The following TMEM132D variants were observed in gnomAD, a reference collection of about 807,000 sequenced individuals.
TMEM132D encodes transmembrane protein 132D, also known as mature OL transmembrane protein.
In TMEM132D, 21 loss-of-function variants were observed where a neutral mutation model predicts 62.3. The ratio of observed to expected loss-of-function variants is 0.34; its 90% CI spans 0.24 to 0.49. The LOEUF is 0.49. Ranked by LOEUF, TMEM132D falls within the 20% of genes least tolerant of loss-of-function variation. The pLI is 0.99. For synonymous variants in TMEM132D, 621 were observed against 575.6 expected (o/e 1.08, Z -1.13); for missense variants, 1,346 against 1,402.8 (o/e 0.96, Z 0.65).
At chr12:129,441,053 G>C (rs1187109768) in intron 3 of TMEM132D, among the ~76,000 whole-genome samples, 2 of 152,216 alleles carry the variant, frequency 1.3e-5, no homozygotes, top group Non-Finnish European at 2.9e-5. Flanking sequence ...TCAGGGTCTA[G>C]TCGAGCTACC....
At chr12:129,480,285 G>T (rs185026823) in intron 3 of TMEM132D, among the ~76,000 whole-genome samples, 25 of 152,358 alleles carry the variant, frequency 1.6e-4, no homozygotes, top group African/African-American at 4.8e-4. Context: ...GAACAGGGGA[G>T]CCATACTGTG....
intron 2 of TMEM132D, among the ~76,000 whole-genome samples, chr12:129,641,969 C>T (rs1320976663): frequency 2.0e-5 from 3 of 152,090 alleles, no homozygotes; most frequent in South Asian, 2.1e-4. Context: ...AAATACAAAC[C>T]GAACATGTCT....
intron 1 of TMEM132D, among the ~76,000 whole-genome samples, chr12:129,737,427 T>C (rs892891761): frequency 6.6e-6 from 1 of 152,226 alleles, no homozygotes; most frequent in African/African-American, 2.4e-5. Flanking sequence ...AAACCTTAAT[T>C]TCTTCTCTCT....
In TMEM132D at chr12:129,615,775, T is replaced by TAAAACAAAAC. The variant is rs200360615; in HGVS notation, c.968+84025_968+84034dup. Among the ~76,000 whole-genome samples the TAAAACAAAAC allele has an allele frequency of 2.1e-3, 268 of 130,134 alleles. 1 individual carries two copies. Among genetic ancestry groups the TAAAACAAAAC allele is most frequent in the Middle Eastern group, 7.9e-3 (2 of 254 alleles). 85.4% of individuals were successfully genotyped at this position (130,134 alleles called of 152,430 possible). A position where few individuals can be genotyped will look rare whatever the true frequency, so the allele number is the denominator to read the frequency against. ...CAAGACTCTGTCTCAATAAAATAATTAAAACAAAACAAAACAAAACAAAAT... is the reference window on the plus strand; with the variant it reads ...CAAGACTCTGTCTCAATAAAATAATTAAAACAAAACAAAACAAAACAAAACAAAACAAAAT... On this transcript the variant is annotated intron_variant, in intron 2 of 8. Coordinates refer to ENST00000422113, the MANE Select transcript of TMEM132D (RefSeq NM_133448.3).
At chr12:129,714,437 T>C (rs1223309265) in intron 1 of TMEM132D, among the ~76,000 whole-genome samples, 3 of 152,124 alleles carry the variant, frequency 2.0e-5, no homozygotes, top group Non-Finnish European at 2.9e-5. Flanking sequence ...AGGGCACAGA[T>C]GGACACTGGG....
At chr12:129,440,158 T>C (rs963347945) in intron 3 of TMEM132D, among the ~76,000 whole-genome samples, 6 of 152,150 alleles carry the variant, frequency 3.9e-5, no homozygotes, top group Non-Finnish European at 8.8e-5. Context: ...CCAAAGCTAG[T>C]CCAACAGGAA....
chr12:129,626,854 T>A (rs999799488), intron 2 of TMEM132D, among the ~76,000 whole-genome samples: 1 of 152,190 alleles, frequency 6.6e-6, no homozygotes, highest in African/African-American at 2.4e-5. Context: ...TCACTAAGGT[T>A]TCTGGAACTA....
At chr12:129,704,281 T>C (rs1881451606) in intron 1 of TMEM132D, among the ~76,000 whole-genome samples, 1 of 152,242 alleles carries the variant, frequency 6.6e-6, no homozygotes, top group East Asian at 1.9e-4. Context: ...ATCTGATATC[T>C]AGGCAGCTGA....
intron 1 of TMEM132D, among the ~76,000 whole-genome samples, chr12:129,835,878 C>T (rs1872989395): frequency 6.6e-6 from 1 of 152,202 alleles, no homozygotes; most frequent in Non-Finnish European, 1.5e-5. Flanking sequence ...CCTCTAGGGG[C>T]TCTCTTCCCC....
chr12:129,343,189 A>G (rs1869554821), intron 3 of TMEM132D, among the ~76,000 whole-genome samples: 1 of 152,248 alleles, frequency 6.6e-6, no homozygotes, highest in Admixed American at 6.5e-5. Flanking sequence ...ATGTCCAACA[A>G]TGATAGACTG....
intron 2 of TMEM132D, among the ~76,000 whole-genome samples, chr12:129,561,513 G>T (rs147020140): frequency 7.0e-4 from 107 of 152,298 alleles, no homozygotes; most frequent in African/African-American, 2.6e-3. Flanking sequence ...CAGCAGACAA[G>T]AATTGGGACT....
intron 3 of TMEM132D, among the ~76,000 whole-genome samples, chr12:129,437,946 G>T (rs918231291): frequency 8.4e-5 from 12 of 142,462 alleles, no homozygotes; most frequent in African/African-American, 2.1e-4. Flanking sequence ...GTGTCCATGT[G>T]TTCTCACTGT....
chr12:129,710,166 G>A (rs1881606176), intron 1 of TMEM132D, among the ~76,000 whole-genome samples: 1 of 152,144 alleles, frequency 6.6e-6, no homozygotes, highest in South Asian at 2.1e-4. Context: ...CTGAAGAGAA[G>A]TATAGCAACC....
chr12:129,302,636 C>T (rs908831249), intron 4 of TMEM132D, among the ~76,000 whole-genome samples: 3 of 152,204 alleles, frequency 2.0e-5, no homozygotes, highest in African/African-American at 7.2e-5. Context: ...CCAGATGCTT[C>T]CTTTTTCTCC....
chr12:129,193,937 AT>A (rs1239477309), intron 5 of TMEM132D, among the ~76,000 whole-genome samples: 2 of 152,120 alleles, frequency 1.3e-5, no homozygotes, highest in Non-Finnish European at 2.9e-5. Flanking sequence ...TATAGTGAAG[AT>A]TTTTCTTGAA....
chr12:129,711,034 A>G (rs753396874), intron 1 of TMEM132D, among the ~76,000 whole-genome samples: 6 of 151,896 alleles, frequency 4.0e-5, no homozygotes, highest in Admixed American at 2.6e-4. Context: ...TTCGATTTGC[A>G]TCTCCAGACT....
At chr12:129,799,663 C>A (rs1593166447) in intron 1 of TMEM132D, among the ~76,000 whole-genome samples, 1 of 152,120 alleles carries the variant, frequency 6.6e-6, no homozygotes, top group Admixed American at 6.5e-5. Context: ...CACTTATTCT[C>A]ATGATCTGCC....
intron 2 of TMEM132D, among the ~76,000 whole-genome samples, chr12:129,598,565 T>C (rs953598605): frequency 3.9e-5 from 6 of 152,130 alleles, no homozygotes; most frequent in Non-Finnish European, 7.4e-5. Context: ...AGAAATGCTA[T>C]AATCCTAATA....
chr12:129,529,198 G>C (rs10773676), intron 3 of TMEM132D, among the ~76,000 whole-genome samples: 101,770 of 152,122 alleles, frequency 0.67, 34,530 homozygotes, highest in African/African-American at 0.78. Context: ...GCATCAGAAT[G>C]TACAAAGAGA....
Sources: allele counts gnomAD v4.1 joint callset (sites outside exome capture counted in the v4.1 genomes callset), GRCh38; gene constraint gnomAD v4.1.1; transcripts MANE v1.5; gene names NCBI Gene and HGNC (gene_info 2026-07-23, HGNC 2026-07-21).